CNTN5: variants seen among roughly 807,000 people sequenced by gnomAD.
CNTN5 encodes the protein contactin-5.
Under a neutral mutation model 129.1 loss-of-function variants are expected in CNTN5, and 77 were observed. That is an observed-to-expected ratio of 0.60 (90% CI 0.50 to 0.72). The LOEUF (loss-of-function observed/expected upper bound fraction) is 0.72, where lower values mean the gene tolerates loss of function less well. Ranked by LOEUF, CNTN5 falls within the 30% of genes least tolerant of loss-of-function variation. CNTN5 has a pLI of 0.00. For synonymous variants in CNTN5, 509 were observed against 465.6 expected (o/e 1.09, Z -1.20); for missense variants, 1,478 against 1,328.8 (o/e 1.11, Z -1.75).
chr11:100,118,940 C>T (rs1945925776), intron 13 of CNTN5, among the ~76,000 whole-genome samples: 1 of 151,488 alleles, frequency 6.6e-6, no homozygotes, highest in Non-Finnish European at 1.5e-5. Flanking sequence ...AGTTGAAAAC[C>T]TGTATCTGGC....
chr11:99,401,445 G>A (rs759205129), intron 2 of CNTN5, among the ~76,000 whole-genome samples: 2 of 152,038 alleles, frequency 1.3e-5, no homozygotes, highest in Non-Finnish European at 2.9e-5. Flanking sequence ...GTATGTGTCT[G>A]TTTTATGCCA....
In CNTN5 at chr11:99,920,006, G is replaced by A. The variant is rs112883097; in HGVS notation, c.673+3857G>A. Among the ~76,000 whole-genome samples the A allele has an allele frequency of 7.2e-3, 1,092 of 152,026 alleles. 14 individuals carry two copies. The highest frequency in any genetic ancestry group is 0.025 in the African/African-American group (1,034 of 41,494). ...CAATCTGCAATCTATGTATGTGCAC[G>A]TCTGTGGGTGTTTGGTTTCTTTTAC... On this transcript the variant is annotated intron_variant, in intron 7 of 24. Transcript: ENST00000524871.
intron 3 of CNTN5, among the ~76,000 whole-genome samples, chr11:99,559,322 A>C (rs1028617288): frequency 3.9e-5 from 6 of 152,032 alleles, no homozygotes; most frequent in Non-Finnish European, 8.8e-5. Flanking sequence ...TCCTTTATTT[A>C]TTCAGTTTTT....
chr11:99,282,641 G>A (rs1015251867), intron 1 of CNTN5, among the ~76,000 whole-genome samples: 4 of 151,984 alleles, frequency 2.6e-5, no homozygotes, highest in Admixed American at 6.6e-5. Context: ...TTAAATCCTC[G>A]AATAAATCTG....
intron 6 of CNTN5, among the ~76,000 whole-genome samples, chr11:99,857,574 T>C (rs1056869505): frequency 4.4e-4 from 67 of 152,176 alleles, no homozygotes; most frequent in African/African-American, 1.6e-3. Context: ...CTATGTTGAA[T>C]AGAATTAATG....
intron 1 of CNTN5, among the ~76,000 whole-genome samples, chr11:99,174,386 G>A (rs1004958740): frequency 2.6e-5 from 4 of 152,218 alleles, no homozygotes; most frequent in African/African-American, 9.6e-5. Context: ...GCAAGATAAA[G>A]ACTATTATAA....
intron 2 of CNTN5, among the ~76,000 whole-genome samples, chr11:99,511,076 T>A (rs1565244747): frequency 6.8e-6 from 1 of 146,580 alleles, no homozygotes; most frequent in African/African-American, 2.6e-5. Flanking sequence ...GCGTAAACAT[T>A]AAAAAAAATT....
intron 1 of CNTN5, among the ~76,000 whole-genome samples, chr11:99,169,199 T>C (rs1349013700): frequency 6.6e-6 from 1 of 152,168 alleles, no homozygotes; most frequent in African/African-American, 2.4e-5. Flanking sequence ...ACTTTTTCTG[T>C]TTGAGAAAAA....
Position 99,844,951 on chromosome 11 carries a change from G to C in CNTN5, c.377G>C (p.Arg126Pro). 6.2e-7 allele frequency: 1 copy of C among 1,613,452 alleles called. No homozygotes were observed. The highest frequency in any genetic ancestry group is 8.5e-7 in the Non-Finnish European group (1 of 1,179,718). ...AAGGTAGCATTGAATTGTGAAGTTC[G>C]TGGCAATCCAGTTCCCAGTTACAGG... ...EKKVALNCEV[R>P]GNPVPSYRWL... is the part of the protein sequence containing the mutation. Residue 126 changes from arginine (R) to proline (P), a missense_variant, in exon 5 of 25, where the codon CGT becomes CCT. Coordinates refer to ENST00000524871, the MANE Select transcript of CNTN5 (RefSeq NM_014361.4).
chr11:100,014,313 C>T (rs889707652), intron 9 of CNTN5, among the ~76,000 whole-genome samples: 8 of 152,266 alleles, frequency 5.3e-5, no homozygotes, highest in Non-Finnish European at 1.2e-4. Flanking sequence ...TCTGCCAAAT[C>T]TTCCATCCCA....
intron 4 of CNTN5, among the ~76,000 whole-genome samples, chr11:99,834,525 A>C (rs117675258): frequency 0.035 from 5,288 of 152,216 alleles, 134 homozygotes; most frequent in South Asian, 0.093. Context: ...CAAGAAAAGA[A>C]AAGACCAAAC....
intron 1 of CNTN5, among the ~76,000 whole-genome samples, chr11:99,065,036 TAA>T (rs1204975074): frequency 6.6e-6 from 1 of 152,116 alleles, no homozygotes; most frequent in South Asian, 2.1e-4. Context: ...TTTCCTATTT[TAA>T]AAAAGTTTGC....
At chr11:100,315,175 C>A (rs1224529266) in intron 21 of CNTN5, among the ~76,000 whole-genome samples, 5 of 152,158 alleles carry the variant, frequency 3.3e-5, no homozygotes, top group Non-Finnish European at 5.9e-5. Context: ...GTAAGGATCT[C>A]AGTCAGAGGC....
intron 2 of CNTN5, among the ~76,000 whole-genome samples, chr11:99,462,644 A>G (rs1442966192): frequency 6.6e-6 from 1 of 152,204 alleles, no homozygotes; most frequent in Admixed American, 6.5e-5. Flanking sequence ...AACATCCTCC[A>G]AAAGAGTCCG....
intron 16 of CNTN5, among the ~76,000 whole-genome samples, chr11:100,238,018 T>C (rs1949657065): frequency 6.6e-6 from 1 of 152,098 alleles, no homozygotes; most frequent in Admixed American, 6.5e-5. Context: ...TGGGTAGGCA[T>C]TGTAAAGATG....
intron 2 of CNTN5, among the ~76,000 whole-genome samples, chr11:99,550,060 A>G (rs998150732): frequency 2.0e-5 from 3 of 152,156 alleles, no homozygotes; most frequent in Non-Finnish European, 4.4e-5. Flanking sequence ...TAAAAGAGTA[A>G]GAAAAACTGA....
chr11:99,372,501 C>G lies in CNTN5; in HGVS notation c.-71+47017C>G, dbSNP rs1486927876. Among the ~76,000 whole-genome samples, 7 of 152,194 alleles carry G rather than the reference C, an allele frequency of 4.6e-5. 1 individual carries two copies. The highest frequency in any genetic ancestry group is 4.6e-4 in the Admixed American group (7 of 15,282). The stretch of plus-strand genomic sequence containing the variant: ...GGAAGGTAGTGAATATGCCATGTAC[C>G]TGGCACAACGGACAACCTCTTGGAG... On this transcript the variant is annotated intron_variant, in intron 2 of 24. Transcript: ENST00000524871.
chr11:99,805,869 T>C (rs1213607331), intron 3 of CNTN5, among the ~76,000 whole-genome samples: 1 of 152,216 alleles, frequency 6.6e-6, no homozygotes, highest in Non-Finnish European at 1.5e-5. Flanking sequence ...CCAGAATTTT[T>C]TGCATTGTCA....
intron 13 of CNTN5, among the ~76,000 whole-genome samples, chr11:100,147,339 T>C (rs1946885199): frequency 6.6e-6 from 1 of 152,140 alleles, no homozygotes; most frequent in African/African-American, 2.4e-5. Flanking sequence ...GAGGAGTGGC[T>C]TATCTGACTT....
Sources: allele counts gnomAD v4.1 joint callset (sites outside exome capture counted in the v4.1 genomes callset), GRCh38; gene constraint gnomAD v4.1.1; transcripts MANE v1.5; gene names NCBI Gene and HGNC (gene_info 2026-07-23, HGNC 2026-07-21).